The following TM6SF1 variants were observed in gnomAD, a reference collection of about 807,000 sequenced individuals.
TM6SF1 encodes transmembrane 6 superfamily member 1.
Under a neutral mutation model 47.1 loss-of-function variants are expected in TM6SF1, and 43 were observed. That is an observed-to-expected ratio of 0.91 (90% CI 0.72 to 1.18). The LOEUF is 1.18. Among genes scored for constraint, TM6SF1 ranks in the 50% most tolerant of loss-of-function variants. TM6SF1 has a pLI of 0.00. For synonymous variants in TM6SF1, 177 were observed against 166.3 expected (o/e 1.06, Z -0.49); for missense variants, 390 against 449.0 (o/e 0.87, Z 1.19).
chr15:83,131,335 A>ACAC (rs2036231926), intron 9 of TM6SF1: 2 of 152,180 alleles, frequency 1.3e-5, no homozygotes, highest in Admixed American at 1.3e-4. Context: ...CCAATGGAAG[A>ACAC]AATATTGAGT....
intron 3 of TM6SF1, among the ~76,000 whole-genome samples, chr15:83,117,592 C>T (rs150962308): frequency 0.013 from 1,946 of 151,884 alleles, 40 homozygotes; most frequent in African/African-American, 0.044. Flanking sequence ...AGGCGGCTGA[C>T]GAGAGGGCTG....
Position 83,107,896 on chromosome 15 carries a change from C to T in TM6SF1, c.92+124C>T. The T allele has an allele frequency of 5.3e-6, 7 of 1,313,962 alleles. No individual in the cohort carries two copies. The highest frequency in any genetic ancestry group is 6.8e-6 in the Non-Finnish European group (7 of 1,030,912). 81.4% of individuals were successfully genotyped at this position (1,313,962 alleles called of 1,614,324 possible). A position where few individuals can be genotyped will look rare whatever the true frequency, so the allele number is the denominator to read the frequency against. ...CCGCCGCGGGACAGAGGTTCGTGGC[C>T]GCAGGGGCTCCCCGCGCCTGGCCAG... is the stretch of plus-strand genomic sequence containing the variant. On this transcript the variant is annotated intron_variant, in intron 1 of 9. Transcript: ENST00000322019. The surrounding 1 kb of genome is among the most constrained non-coding windows in gnomAD (Gnocchi z 5.6).
At chr15:83,119,873 C>T (rs931149852) in intron 4 of TM6SF1, 192 bp downstream of exon 4, 2 of 774,946 alleles carry the variant, frequency 2.6e-6, no homozygotes, top group African/African-American at 1.7e-5. Flanking sequence ...TTCTGAATTG[C>T]TCCCTAGCAT....
chr15:83,109,368 AT>A (rs1460861962), intron 1 of TM6SF1, among the ~76,000 whole-genome samples: 6 of 152,142 alleles, frequency 3.9e-5, no homozygotes, highest in Admixed American at 6.5e-5. Context: ...GGATTTGAGG[AT>A]GAGCCCTAGG....
intron 4 of TM6SF1, among the ~76,000 whole-genome samples, chr15:83,121,156 T>C (rs4843071): frequency 0.95 from 144,120 of 152,028 alleles, 68,365 homozygotes; most frequent in East Asian, 1. Flanking sequence ...CTGTAACCTC[T>C]GCCTCCCAGG....
At chr15:83,108,020 G>A (rs2033823011) in intron 1 of TM6SF1, 2 of 731,006 alleles carry the variant, frequency 2.7e-6, no homozygotes, top group South Asian at 3.7e-5. Context: ...CCAGCACCGC[G>A]CCAGGTGCCC....
At chr15:83,133,443 CTTA>C (rs2151385596) in intron 9 of TM6SF1, 1 of 152,138 alleles carries the variant, frequency 6.6e-6, no homozygotes, top group South Asian at 2.1e-4. Context: ...CTTTGTTCAC[CTTA>C]TTGTCTCATT....
At chr15:83,133,600 G>A (rs2036406464) in intron 9 of TM6SF1, 2 of 152,130 alleles carry the variant, frequency 1.3e-5, no homozygotes, top group African/African-American at 2.4e-5. Flanking sequence ...GAAATTTCTA[G>A]GATCAACAAC....
chr15:83,119,679 GGAGT>G lies in TM6SF1; in HGVS notation c.397_398+2del. The G allele has an allele frequency of 6.2e-7, 1 of 1,614,144 alleles. No homozygotes were observed. Among genetic ancestry groups the G allele is most frequent in the Non-Finnish European group, 8.5e-7 (1 of 1,180,004 alleles). ...TGGTGATGGTGGCAGCCATAGCATG[GGAGT>G]AAGTCAGTTCACCTGGTGTGTGCCT... On this transcript the variant is annotated splice_donor_variant and coding_sequence_variant, in exon 4 of 10. Transcript: ENST00000322019. LOFTEE classifies it high-confidence loss of function.
At chr15:83,111,987 CAGTT>C (rs2034227118) in intron 1 of TM6SF1, among the ~76,000 whole-genome samples, 1 of 152,194 alleles carries the variant, frequency 6.6e-6, no homozygotes, top group Admixed American at 6.5e-5. Flanking sequence ...TAGGGTGACA[CAGTT>C]AGCAACAGAA....
chr15:83,109,508 T>C (rs867634757), intron 1 of TM6SF1, among the ~76,000 whole-genome samples: 3 of 152,200 alleles, frequency 2.0e-5, no homozygotes, highest in Middle Eastern at 3.2e-3. Flanking sequence ...TCAGCCATTC[T>C]TCCTGTCCTC....
intron 9 of TM6SF1, chr15:83,130,371 T>G (rs1025240656): frequency 1.3e-5 from 2 of 152,410 alleles, no homozygotes; most frequent in Non-Finnish European, 2.9e-5. Flanking sequence ...CAGTGTGGAC[T>G]ACAGAGCAGC....
At chr15:83,108,633 C>T (rs1217647418) in intron 1 of TM6SF1, among the ~76,000 whole-genome samples, 5 of 152,240 alleles carry the variant, frequency 3.3e-5, no homozygotes, top group East Asian at 1.9e-4. Context: ...TTGGGACAGG[C>T]GCCAGCCTCT....
intron 2 of TM6SF1, chr15:83,113,713 C>T (rs2034399250): frequency 6.5e-6 from 1 of 152,688 alleles, no homozygotes; most frequent in South Asian, 2.1e-4. Context: ...TTCTCTGACT[C>T]CTTGTTCTTG....
chr15:83,110,320 G>T (rs1256157038), intron 1 of TM6SF1, among the ~76,000 whole-genome samples: 1 of 152,016 alleles, frequency 6.6e-6, no homozygotes, highest in Non-Finnish European at 1.5e-5. Context: ...TCATCCTGGG[G>T]TTAGTCGCAG....
intron 1 of TM6SF1, among the ~76,000 whole-genome samples, chr15:83,109,859 C>T (rs1313440196): frequency 6.6e-6 from 1 of 152,190 alleles, no homozygotes; most frequent in Admixed American, 6.5e-5. Flanking sequence ...TGCCTTCCTC[C>T]TATCGCAGAC....
At chr15:83,117,449 G>T (rs535363867) in intron 3 of TM6SF1, among the ~76,000 whole-genome samples, 1 of 152,324 alleles carries the variant, frequency 6.6e-6, no homozygotes, top group African/African-American at 2.4e-5. Flanking sequence ...AAAGGGCTGA[G>T]CTTGGGACTT....
intron 1 of TM6SF1, among the ~76,000 whole-genome samples, chr15:83,111,346 CCAT>C (rs1002295519): frequency 2.6e-5 from 4 of 151,994 alleles, no homozygotes; most frequent in African/African-American, 9.7e-5. Context: ...CCTCCATCAT[CCAT>C]CAATTCATCC....
intron 3 of TM6SF1, among the ~76,000 whole-genome samples, chr15:83,116,415 C>T (rs2151346374): frequency 6.6e-6 from 1 of 152,322 alleles, no homozygotes; most frequent in Non-Finnish European, 1.5e-5. Context: ...CTCGAGAGAG[C>T]TAGTCCTATT....
Sources: gnomAD v4.1 joint callset for allele counts (sites outside exome capture counted in the v4.1 genomes callset) on GRCh38, gnomAD v4.1.1 for gene constraint, Gnocchi (gnomAD v3.1) non-coding constraint, MANE v1.5 for transcripts, NCBI Gene and HGNC (gene_info 2026-07-23, HGNC 2026-07-21) for gene names.